The following CSMD1 variants were observed in gnomAD, a reference collection of about 807,000 sequenced individuals.
CSMD1 encodes CUB and sushi domain-containing protein 1.
CSMD1 carries 213 observed loss-of-function variants against 417.5 expected under a neutral mutation model. The ratio of observed to expected loss-of-function variants is 0.51; its 90% CI spans 0.46 to 0.57. The LOEUF is 0.57. Among genes scored for constraint, CSMD1 ranks in the 20% least tolerant of loss-of-function variants. CSMD1 has a pLI of 0.00. For synonymous variants in CSMD1, 2,862 were observed against 1,736.8 expected, an observed-to-expected ratio of 1.65 and a Z score of -16.11; for missense variants, 6,923 against 4,529.7, an observed-to-expected ratio of 1.53 and a Z score of -15.17.
chr8:4,413,349 T>C (rs1465862621), intron 3 of CSMD1, among the ~76,000 whole-genome samples: 2 of 152,158 alleles, frequency 1.3e-5, no homozygotes, highest in African/African-American at 4.8e-5. Flanking sequence ...AATTCTATCA[T>C]TCATTCTTTT....
intron 7 of CSMD1, among the ~76,000 whole-genome samples, chr8:3,659,839 G>A (rs1416716503): frequency 6.6e-6 from 1 of 152,080 alleles, no homozygotes; most frequent in Non-Finnish European, 1.5e-5. Flanking sequence ...TTCCCAAATA[G>A]ACTATACAAT....
intron 15 of CSMD1, among the ~76,000 whole-genome samples, chr8:3,404,846 C>T (rs1263056483): frequency 6.6e-6 from 1 of 152,004 alleles, no homozygotes; most frequent in Admixed American, 6.6e-5. Context: ...TGTATTGATA[C>T]CTGTTATTCT....
chr8:4,734,951 C>T (rs1395790730), intron 1 of CSMD1, among the ~76,000 whole-genome samples: 1 of 152,102 alleles, frequency 6.6e-6, no homozygotes, highest in Non-Finnish European at 1.5e-5. Context: ...TCGTTATGGC[C>T]TGGGATTCTG....
chr8:3,109,065 G>A (rs1228589609), intron 43 of CSMD1, among the ~76,000 whole-genome samples: 1 of 152,148 alleles, frequency 6.6e-6, no homozygotes, highest in Non-Finnish European at 1.5e-5. Context: ...AGGAGTTTGA[G>A]ACCAGCCTGG....
intron 5 of CSMD1, among the ~76,000 whole-genome samples, chr8:3,850,806 G>A (rs984508780): frequency 5.3e-5 from 8 of 152,076 alleles, no homozygotes; most frequent in Non-Finnish European, 1.0e-4. Context: ...CCAGTCAAAG[G>A]AACAAAGCTC....
At chr8:4,775,720 A>G (rs1255427863) in intron 1 of CSMD1, among the ~76,000 whole-genome samples, 2 of 152,158 alleles carry the variant, frequency 1.3e-5, no homozygotes, top group Non-Finnish European at 2.9e-5. Flanking sequence ...CCACGTGGGG[A>G]TGGGATATCT....
chr8:3,774,865 A>G (rs897790256), intron 5 of CSMD1, among the ~76,000 whole-genome samples: 3 of 152,110 alleles, frequency 2.0e-5, no homozygotes, highest in African/African-American at 7.2e-5. Flanking sequence ...GCCTGAAACC[A>G]CACAGAGTGC....
chr8:4,436,717 CCAT>C (rs1798168922), intron 2 of CSMD1, among the ~76,000 whole-genome samples: 1 of 152,058 alleles, frequency 6.6e-6, no homozygotes, highest in Non-Finnish European at 1.5e-5. Context: ...CTCCCTATGT[CCAT>C]GAGTTTAATT....
chr8:4,994,337 G>C lies in CSMD1; in HGVS notation c.80C>G (p.Ala27Gly), dbSNP rs768499923. The change falls in exon 1 of 70, where the codon GCG becomes GGG. Residue 27 changes from alanine (A) to glycine (G), a missense_variant. Coordinates refer to ENST00000635120, the MANE Select transcript of CSMD1 (RefSeq NM_033225.6). ...LVLCARLLTA[A>G]KGQNCGGLVQ... ...CAGGAGCAAGTCCGTCTTACCCTTC[G>C]CTGCAGTGAGGAGCCTCGCGCACAG... The C allele has an allele frequency of 5.0e-6, 8 of 1,610,294 alleles. No individual in the cohort carries two copies. The highest frequency in any genetic ancestry group is 2.2e-5 in the East Asian group (1 of 44,846).
chr8:4,958,267 A>G (rs1015170121), intron 1 of CSMD1, among the ~76,000 whole-genome samples: 11 of 152,236 alleles, frequency 7.2e-5, no homozygotes, highest in Admixed American at 3.3e-4. Context: ...AACAGGTTCA[A>G]TGAAAGTGCA....
At chr8:2,943,061 T>C (rs1294063443) in intron 68 of CSMD1, among the ~76,000 whole-genome samples, 1 of 152,204 alleles carries the variant, frequency 6.6e-6, no homozygotes, top group Non-Finnish European at 1.5e-5. Flanking sequence ...GCATTCTTCA[T>C]ATGTGAATAG....
intron 6 of CSMD1, among the ~76,000 whole-genome samples, chr8:3,738,458 C>T (rs961060192): frequency 5.9e-5 from 9 of 152,134 alleles, no homozygotes; most frequent in African/African-American, 1.9e-4. Context: ...TGACTTGAAG[C>T]TCATATGTGC....
intron 7 of CSMD1, chr8:3,704,712 A>C (rs949141603): frequency 3.9e-5 from 6 of 152,194 alleles, no homozygotes; most frequent in Non-Finnish European, 5.9e-5. Flanking sequence ...ATAAGCTTGG[A>C]TAACACCTTA....
rs376332767 is a variant in CSMD1, at chr8:4,167,055, C to T, written c.416-134956G>A. On this transcript the variant is annotated intron_variant, in intron 3 of 69. Coordinates refer to ENST00000635120, the MANE Select transcript of CSMD1 (RefSeq NM_033225.6). ...GGGACTGCTAGAAAACAGCAACAAA[C>T]GGGGAGGAGAAAAAAACTTAGAATA... is the stretch of plus-strand genomic sequence containing the variant. Among the ~76,000 whole-genome samples, 39 of 152,052 alleles carry T rather than the reference C, an allele frequency of 2.6e-4. No individual in the cohort carries two copies. The South Asian group carries it at 7.5e-3, about 29-fold the overall frequency.
chr8:4,719,686 A>C (rs1808925070), intron 1 of CSMD1, among the ~76,000 whole-genome samples: 3 of 152,276 alleles, frequency 2.0e-5, no homozygotes, highest in African/African-American at 7.2e-5. Flanking sequence ...GATGAAAGTA[A>C]TTTGATTTAT....
At chr8:4,290,892 T>C (rs1385229493) in intron 3 of CSMD1, among the ~76,000 whole-genome samples, 1 of 152,226 alleles carries the variant, frequency 6.6e-6, no homozygotes, top group African/African-American at 2.4e-5. Flanking sequence ...CAATGTCAGC[T>C]CTCTGTAATT....
intron 12 of CSMD1, among the ~76,000 whole-genome samples, chr8:3,423,277 G>A (rs566201900): frequency 6.6e-6 from 1 of 152,190 alleles, no homozygotes; most frequent in South Asian, 2.1e-4. Context: ...CAAAATCATG[G>A]TATGGAGGCT....
intron 65 of CSMD1, among the ~76,000 whole-genome samples, chr8:2,951,854 CT>C (rs772444482): frequency 4.6e-5 from 7 of 152,108 alleles, no homozygotes; most frequent in Non-Finnish European, 1.0e-4. Context: ...CTCTTCTGTT[CT>C]TCTTTAATCT....
At chr8:4,780,199 T>C (rs1270676806) in intron 1 of CSMD1, among the ~76,000 whole-genome samples, 2 of 152,200 alleles carry the variant, frequency 1.3e-5, no homozygotes, top group Non-Finnish European at 2.9e-5. Flanking sequence ...GATAGGGGAT[T>C]ATGTGTAAAA....
Sources: gnomAD v4.1 joint callset for allele counts (sites outside exome capture counted in the v4.1 genomes callset) on GRCh38, gnomAD v4.1.1 for gene constraint, MANE v1.5 for transcripts, NCBI Gene and HGNC (gene_info 2026-07-23, HGNC 2026-07-21) for gene names.